Variants in WNT5B observed in about 807,000 individuals in gnomAD.
WNT5B encodes the protein Wnt family member 5B.
Under a neutral mutation model 36.5 loss-of-function variants are expected in WNT5B, and 18 were observed. The ratio of observed to expected loss-of-function variants is 0.49; its 90% CI spans 0.34 to 0.73. The LOEUF (loss-of-function observed/expected upper bound fraction) is 0.73. Among genes scored for constraint, WNT5B ranks in the 30% least tolerant of loss-of-function variants. WNT5B has a pLI of 0.01. For synonymous variants in WNT5B, 213 were observed against 212.3 expected, an observed-to-expected ratio of 1.00 and a Z score of -0.03; for missense variants, 424 against 508.4, an observed-to-expected ratio of 0.83 and a Z score of 1.60.
upstream of WNT5B, among the ~76,000 whole-genome samples, chr12:1,625,130 G>C (rs1373844897): frequency 6.6e-6 from 1 of 152,106 alleles, no homozygotes; most frequent in Non-Finnish European, 1.5e-5. Context: ...TTCATGTTGG[G>C]AAATTCAGGA....
Position 1,646,035 on chromosome 12 carries a change from GC to G in WNT5B, c.865del (p.Leu289CysfsTer95). 6.2e-7 allele frequency: 1 copy of G among 1,613,216 alleles called. No individual in the cohort carries two copies. Among genetic ancestry groups the G allele is most frequent in the African/African-American group, 1.3e-5 (1 of 75,074 alleles). Reference protein sequence around the residue: ...LVYVDPSPDYCLRNESTGSLG... With the variant: ...LVYVDPSPDYXLRNESTGSLG... ...TATGTGGACCCCAGCCCCGACTACT[GC>G]CTGCGCAACGAGAGCACGGGCTCCC... On this transcript the variant is annotated frameshift_variant, in exon 5 of 5. Transcript: ENST00000397196. LOFTEE classifies it high-confidence loss of function.
intron 1 of WNT5B, among the ~76,000 whole-genome samples, chr12:1,622,022 C>T (rs898893934): frequency 3.3e-5 from 5 of 152,116 alleles, no homozygotes; most frequent in Admixed American, 3.3e-4. Context: ...TGTTTTCCTC[C>T]TGTTAAAAGC....
chr12:1,619,963 A>T (rs770355591), intron 1 of WNT5B, among the ~76,000 whole-genome samples: 7 of 152,234 alleles, frequency 4.6e-5, no homozygotes, highest in Non-Finnish European at 8.8e-5. Context: ...ATGCCCCATG[A>T]GACCATAATT....
upstream of WNT5B, among the ~76,000 whole-genome samples, chr12:1,628,919 T>TTG (rs751402571): frequency 3.9e-4 from 59 of 150,630 alleles, no homozygotes; most frequent in East Asian, 1.4e-3. Context: ...GGTGTGTGTG[T>TTG]TGTGTGTGTG....
chr12:1,645,688 A>C (rs1592542306), intron 4 of WNT5B, 106 bp from the exon 5 acceptor site: 1 of 1,036,814 alleles, frequency 9.6e-7, no homozygotes, highest in Non-Finnish European at 1.4e-6. Flanking sequence ...TCTATCCCCT[A>C]CCCTACCGGC....
chr12:1,620,861 C>T (rs1366329695), intron 1 of WNT5B, among the ~76,000 whole-genome samples: 1 of 150,590 alleles, frequency 6.6e-6, no homozygotes, highest in Admixed American at 6.6e-5. Flanking sequence ...GCGCCACCAC[C>T]CCTGGCTAAT....
In WNT5B at chr12:1,639,561, G is replaced by T; in HGVS notation, c.329-123G>T. On this transcript the variant is annotated intron_variant, in intron 3 of 4. Transcript: ENST00000397196. Reference sequence around the variant, plus strand: ...AAGCGTTAGAGCTACGGGAAGCGAAGCCCCCTGCCCCAGGGGTGTCAGCAG... The same window carrying T: ...AAGCGTTAGAGCTACGGGAAGCGAATCCCCCTGCCCCAGGGGTGTCAGCAG... 9.1e-6 allele frequency: 10 copies of T among 1,096,614 alleles called. No individual in the cohort carries two copies. The South Asian group carries it at 1.1e-4, about 12-fold the overall frequency. 67.9% of individuals were successfully genotyped at this position (1,096,614 alleles called of 1,614,324 possible).
upstream of WNT5B, among the ~76,000 whole-genome samples, chr12:1,628,782 T>TCCCACCCCAG (rs765640313): frequency 6.6e-6 from 1 of 151,670 alleles, no homozygotes; most frequent in South Asian, 2.1e-4. Flanking sequence ...TCCTTTCTCC[T>TCCCACCCCAG]CCCACCCCAG....
At chr12:1,643,443 CA>C (rs112330153) in intron 4 of WNT5B, among the ~76,000 whole-genome samples, 3,322 of 152,178 alleles carry the variant, frequency 0.022, 93 homozygotes, top group African/African-American at 0.068. Flanking sequence ...CGGCTCACTG[CA>C]AACCTCTGCT....
chr12:1,639,795 C>T lies in WNT5B; in HGVS notation c.440C>T (p.Ala147Val), dbSNP rs761702068. The T allele has an allele frequency of 2.5e-6, 4 of 1,612,240 alleles. No homozygotes were observed. The highest frequency in any genetic ancestry group is 2.2e-5 in the East Asian group (1 of 44,836). Reference sequence around the variant, plus strand: ...TCCACCTGCGGCTGCAGCCGGACGGCGCGGCCCAAGGACCTGCCCCGGGAC... The same window carrying T: ...TCCACCTGCGGCTGCAGCCGGACGGTGCGGCCCAAGGACCTGCCCCGGGAC... ...ELSTCGCSRT[A>V]RPKDLPRDWL... The change falls in exon 4 of 5, where the codon GCG becomes GTG. Residue 147 changes from alanine (A) to valine (V), a missense_variant. Coordinates refer to ENST00000397196, the MANE Select transcript of WNT5B (RefSeq NM_032642.3).
chr12:1,639,266 T>G (rs1205817272), intron 3 of WNT5B, among the ~76,000 whole-genome samples: 2 of 150,814 alleles, frequency 1.3e-5, no homozygotes, highest in Non-Finnish European at 3.0e-5. Context: ...GCCTCCCGAG[T>G]AGCTGGGACT....
Position 1,644,248 on chromosome 12 carries a change from CTTTA to C in WNT5B, c.622-1544_622-1541del, listed in dbSNP as rs1008218570. Among the ~76,000 whole-genome samples, 58 of 152,152 alleles carry C rather than the reference CTTTA, an allele frequency of 3.8e-4. No homozygotes were observed. Among genetic ancestry groups the C allele is most frequent in the Non-Finnish European group, 4.4e-5 (3 of 68,020 alleles). Reference sequence around the variant, plus strand: ...GTCTGTCAGGATGGGGTGTCAGTTCCTTTATGTCTTGGACCTGGAGCTGCCCGGC... The same window carrying C: ...GTCTGTCAGGATGGGGTGTCAGTTCCTGTCTTGGACCTGGAGCTGCCCGGC... On this transcript the variant is annotated intron_variant, in intron 4 of 4. Coordinates refer to ENST00000397196, the MANE Select transcript of WNT5B (RefSeq NM_032642.3). The surrounding 1 kb of genome is among the most constrained non-coding windows in gnomAD (Gnocchi z 5.1).
intron 3 of WNT5B, among the ~76,000 whole-genome samples, chr12:1,636,779 G>A (rs1471917763): frequency 6.7e-6 from 1 of 149,122 alleles, no homozygotes; most frequent in Non-Finnish European, 1.5e-5. Flanking sequence ...GCAATGGTGT[G>A]ATCTCGGCTC....
At chr12:1,641,355 C>T (rs982302991) in intron 4 of WNT5B, among the ~76,000 whole-genome samples, 13 of 145,748 alleles carry the variant, frequency 8.9e-5, no homozygotes, top group Admixed American at 6.9e-5. Context: ...CATTGCACTC[C>T]AGCCTGGGCA....
rs2094553937 is a variant in WNT5B, at chr12:1,633,018, C to A, written c.328+113C>A. ...AGAGCCCAAAGGCAGCCTAAGTGGG[C>A]TCTCTCTAGGCTTGGCAGCAGTGTG... is the stretch of plus-strand genomic sequence containing the variant. On this transcript the variant is annotated intron_variant, in intron 3 of 4. Coordinates refer to ENST00000397196, the MANE Select transcript of WNT5B (RefSeq NM_032642.3). This position sits in a 1 kb window ranked among gnomAD's most constrained non-coding sequence, Gnocchi z 4.8. The A allele has an allele frequency of 6.9e-7, 1 of 1,458,014 alleles. No individual in the cohort carries two copies. Among genetic ancestry groups the A allele is most frequent in the Admixed American group, 2.2e-5 (1 of 44,594 alleles). 90.3% of individuals were successfully genotyped at this position (1,458,014 alleles called of 1,614,324 possible).
In WNT5B at chr12:1,630,544, G is replaced by A. The variant is rs905901457; in HGVS notation, c.-57-754G>A. Among the ~76,000 whole-genome samples the A allele has an allele frequency of 4.6e-5, 7 of 152,200 alleles. No homozygotes were observed. Among genetic ancestry groups the A allele is most frequent in the Admixed American group, 3.9e-4 (6 of 15,284 alleles). ...GCCGCCTGGCGTCGGCAGTGTCCCC[G>A]GTGCAGCTGCTGGGCAAGGTACTCG... On this transcript the variant is annotated intron_variant, in intron 1 of 4. Coordinates refer to ENST00000397196, the MANE Select transcript of WNT5B (RefSeq NM_032642.3). This position sits in a 1 kb window ranked among gnomAD's most constrained non-coding sequence, Gnocchi z 5.3.
chr12:1,633,479 A>C lies in WNT5B; in HGVS notation c.328+574A>C, dbSNP rs2094554901. Among the ~76,000 whole-genome samples, 1 of 152,164 alleles carries C rather than the reference A, an allele frequency of 6.6e-6. No individual in the cohort carries two copies. Among genetic ancestry groups the C allele is most frequent in the African/African-American group, 2.4e-5 (1 of 41,438 alleles). ...AAGGGGTCAGACGAAAGAAAAGATG[A>C]GAGGGAGAGGGCCAAGTCTTCTGGA... On this transcript the variant is annotated intron_variant, in intron 3 of 4. Coordinates refer to ENST00000397196, the MANE Select transcript of WNT5B (RefSeq NM_032642.3). The surrounding 1 kb of genome is among the most constrained non-coding windows in gnomAD (Gnocchi z 4.8).
At chr12:1,626,706 A>G (rs573392062), upstream of WNT5B, among the ~76,000 whole-genome samples, 74 of 151,852 alleles carry the variant, frequency 4.9e-4, no homozygotes, top group African/African-American at 1.7e-3. Context: ...CTGGGACTAC[A>G]GGCGCCCGCC....
rs1316273710 is a variant in WNT5B, at chr12:1,639,813, C to G, written c.458C>G (p.Pro153Arg). Residue 153 changes from proline (P) to arginine (R), a missense_variant, in exon 4 of 5, where the codon CCC becomes CGC. Physicochemically the swap from Pro to Arg is moderately radical, Grantham distance 103. Coordinates refer to ENST00000397196, the MANE Select transcript of WNT5B (RefSeq NM_032642.3). ...CSRTARPKDL[P>R]RDWLWGGCGD... ...CGGACGGCGCGGCCCAAGGACCTGC[C>G]CCGGGACTGGCTGTGGGGCGGCTGT... The G allele has an allele frequency of 6.2e-7, 1 of 1,613,648 alleles. No homozygotes were observed. Among genetic ancestry groups the G allele is most frequent in the Non-Finnish European group, 8.5e-7 (1 of 1,179,768 alleles).
Sources: gnomAD v4.1 joint callset for allele counts (sites outside exome capture counted in the v4.1 genomes callset) on GRCh38, gnomAD v4.1.1 for gene constraint, Gnocchi (gnomAD v3.1) non-coding constraint, MANE v1.5 for transcripts, NCBI Gene and HGNC (gene_info 2026-07-23, HGNC 2026-07-21) for gene names.